FCER1A: variants seen among roughly 807,000 people sequenced by gnomAD.
FCER1A encodes the protein Fc epsilon receptor Ia, also known as high affinity immunoglobulin epsilon receptor subunit alpha.
A neutral mutation model predicts 23.6 loss-of-function variants in FCER1A; 24 were observed. The ratio of observed to expected loss-of-function variants is 1.02; its 90% CI spans 0.74 to 1.43. FCER1A has a LOEUF of 1.43. Among genes scored for constraint, FCER1A ranks in the 40% most tolerant of loss-of-function variants. The pLI, the probability that FCER1A is intolerant of heterozygous loss-of-function variation, is 0.00. For missense variants in FCER1A, 318 were observed against 294.5 expected (o/e 1.08, Z -0.58); for synonymous variants, 121 against 108.8 (o/e 1.11, Z -0.70).
At chr1:159,302,941 T>G in intron 2 of FCER1A, 67 bp downstream of exon 2, 1 of 1,447,972 alleles carries the variant, frequency 6.9e-7, no homozygotes. Context: ...TCTCACTATT[T>G]TCTTCGTCCC....
chr1:159,286,843 C>G (rs539094519), upstream of FCER1A, among the ~76,000 whole-genome samples: 1 of 152,234 alleles, frequency 6.6e-6, no homozygotes, highest in African/African-American at 2.4e-5. Context: ...AGAAACTATT[C>G]TGACTACAAA....
chr1:159,303,854 A>T, intron 2 of FCER1A, 74 bp from the exon 3 acceptor site: 1 of 1,163,698 alleles, frequency 8.6e-7, no homozygotes, highest in Non-Finnish European at 1.2e-6. Flanking sequence ...CTTCGTTTGT[A>T]CTTTTAAGCC....
chr1:159,298,565 A>G (rs1652353452), upstream of FCER1A, among the ~76,000 whole-genome samples: 1 of 152,178 alleles, frequency 6.6e-6, no homozygotes, highest in African/African-American at 2.4e-5. Flanking sequence ...TTCTTGTGAA[A>G]ATCTAACAGG....
In FCER1A at chr1:159,304,408, G is replaced by A. The variant is rs533527751; in HGVS notation, c.331+226G>A. ...CGAGGTCAGGAGATCGAGACCATCCGGCTAACATGGTGAAACCCCATCTCT... is the reference window on the plus strand; with the variant it reads ...CGAGGTCAGGAGATCGAGACCATCCAGCTAACATGGTGAAACCCCATCTCT... On this transcript the variant is annotated intron_variant, in intron 3 of 4. Transcript: ENST00000693622. Among the ~76,000 whole-genome samples, 88 of 151,956 alleles carry A rather than the reference G, an allele frequency of 5.8e-4. 1 individual carries two copies. The highest frequency in any genetic ancestry group is 9.4e-4 in the Non-Finnish European group (64 of 67,936).
chr1:159,287,672 TTA>T (rs894882687), upstream of FCER1A, among the ~76,000 whole-genome samples: 37 of 148,516 alleles, frequency 2.5e-4, no homozygotes, highest in African/African-American at 8.6e-4. Flanking sequence ...ATACACATTG[TTA>T]TATATATTAT....
chr1:159,303,012 A>T, intron 2 of FCER1A, 138 bp downstream of exon 2: 4 of 825,196 alleles, frequency 4.8e-6, no homozygotes, highest in South Asian at 1.4e-5. Context: ...TTCCCTCTCC[A>T]CCTTGCCTTG....
intron 1 of FCER1A, among the ~76,000 whole-genome samples, chr1:159,290,611 C>T (rs1571074573): frequency 6.6e-6 from 1 of 152,178 alleles, no homozygotes; most frequent in African/African-American, 2.4e-5. Context: ...AGCTTCAAAT[C>T]CTGGCTTTGC....
At chr1:159,301,976 C>G (rs1278823099), upstream of FCER1A, among the ~76,000 whole-genome samples, 5 of 152,132 alleles carry the variant, frequency 3.3e-5, no homozygotes, top group Non-Finnish European at 7.4e-5. Context: ...TAACACCTGG[C>G]ATATGTTTGG....
At chr1:159,306,778 C>T (rs1225195991) in intron 4 of FCER1A, among the ~76,000 whole-genome samples, 1 of 152,016 alleles carries the variant, frequency 6.6e-6, no homozygotes, top group Non-Finnish European at 1.5e-5. Context: ...TGGACTGCCT[C>T]TATGGCCTGT....
At chr1:159,290,690 C>G (rs879433780) in intron 1 of FCER1A, among the ~76,000 whole-genome samples, 1 of 152,186 alleles carries the variant, frequency 6.6e-6, no homozygotes, top group Non-Finnish European at 1.5e-5. Context: ...GTACCTGTTT[C>G]ATAGGATTCC....
chr1:159,291,777 G>T (rs1479944773), intron 1 of FCER1A, among the ~76,000 whole-genome samples: 2 of 152,040 alleles, frequency 1.3e-5, no homozygotes, highest in Non-Finnish European at 2.9e-5. Context: ...GTCCGCACAT[G>T]TTGCCTATGC....
chr1:159,307,612 T>G (rs1442737540), intron 4 of FCER1A, 136 bp from the exon 5 acceptor site: 3 of 617,592 alleles, frequency 4.9e-6, no homozygotes. Context: ...GTTTTCTCTG[T>G]GCTTCTGGAT....
chr1:159,287,838 G>A (rs1260200755), upstream of FCER1A, among the ~76,000 whole-genome samples: 2 of 150,794 alleles, frequency 1.3e-5, no homozygotes, highest in East Asian at 3.9e-4. Context: ...AGGAAAGGAT[G>A]ATTTATTAGG....
chr1:159,291,926 T>C (rs911228990), intron 1 of FCER1A, among the ~76,000 whole-genome samples: 3 of 152,134 alleles, frequency 2.0e-5, no homozygotes, highest in Non-Finnish European at 4.4e-5. Context: ...TTACTTCACC[T>C]CTCAACAAGA....
Position 159,307,741 on chromosome 1 carries a change from A to G in FCER1A, c.590-7A>G, listed in dbSNP as rs367698700. 2 of 1,582,376 alleles carry G rather than the reference A, an allele frequency of 1.3e-6. No individual in the cohort carries two copies. The highest frequency in any genetic ancestry group is 1.3e-5 in the African/African-American group (1 of 74,612). ...ATGTTTCTCATTGCATCTGTGTTCCACTACAGCTCCGCGTGAGAAGTACTG... is the reference window on the plus strand; with the variant it reads ...ATGTTTCTCATTGCATCTGTGTTCCGCTACAGCTCCGCGTGAGAAGTACTG... On this transcript the variant is annotated splice_polypyrimidine_tract_variant and splice_region_variant and intron_variant, in intron 4 of 4. Coordinates refer to ENST00000693622, the MANE Select transcript of FCER1A (RefSeq NM_001387280.1).
chr1:159,289,976 C>G (rs949812007), intron 1 of FCER1A, among the ~76,000 whole-genome samples: 6 of 152,120 alleles, frequency 3.9e-5, no homozygotes, highest in African/African-American at 1.4e-4. Context: ...GGTAGTGTAA[C>G]CTTTTTGCTA....
At chr1:159,303,893 T>C (rs757023660) in intron 2 of FCER1A, 35 bp from the exon 3 acceptor site, 1 of 1,568,338 alleles carries the variant, frequency 6.4e-7, no homozygotes, top group African/African-American at 1.4e-5. Flanking sequence ...TTTTTTTCTC[T>C]CTACATGTCT....
chr1:159,304,832 T>A (rs1295820238), intron 3 of FCER1A, among the ~76,000 whole-genome samples: 2 of 152,104 alleles, frequency 1.3e-5, no homozygotes, highest in Admixed American at 6.6e-5. Context: ...TGGAATAGGA[T>A]CAAAAGGTTT....
At chr1:159,305,840 C>A in intron 3 of FCER1A, 148 bp from the exon 4 acceptor site, 1 of 673,300 alleles carries the variant, frequency 1.5e-6, no homozygotes, top group Admixed American at 2.9e-5. Context: ...TATTTTGTGC[C>A]CTTTAAAAAT....
Sources: gnomAD v4.1 joint callset for allele counts (sites outside exome capture counted in the v4.1 genomes callset) on GRCh38, gnomAD v4.1.1 for gene constraint, MANE v1.5 for transcripts, NCBI Gene and HGNC (gene_info 2026-07-23, HGNC 2026-07-21) for gene names.